The following CALN1 variants were observed in gnomAD, a reference collection of about 807,000 sequenced individuals.
CALN1 encodes calneuron 1.
In CALN1, 17 loss-of-function variants were observed where a neutral mutation model predicts 30.6. The ratio of observed to expected loss-of-function variants is 0.56; its 90% confidence interval spans 0.38 to 0.83. CALN1 has a LOEUF of 0.83. CALN1 is among the 40% of genes least tolerant of loss of function. The pLI is 0.00. For missense variants in CALN1, 291 were observed against 354.9 expected, an observed-to-expected ratio of 0.82 and a Z score of 1.45; for synonymous variants, 156 against 131.4, an observed-to-expected ratio of 1.19 and a Z score of -1.28.
At chr7:72,248,140 G>A (rs1169114026) in intron 3 of CALN1, among the ~76,000 whole-genome samples, 1 of 152,084 alleles carries the variant, frequency 6.6e-6, no homozygotes, top group East Asian at 1.9e-4. Context: ...TTTAGATGGA[G>A]TTTTGCTTTT....
intron 4 of CALN1, among the ~76,000 whole-genome samples, chr7:72,054,947 G>C (rs1298494059): frequency 1.3e-5 from 2 of 152,112 alleles, no homozygotes; most frequent in Non-Finnish European, 2.9e-5. Flanking sequence ...GCTAGAGACT[G>C]GGAGGTAAAA....
In CALN1 at chr7:72,160,237, G is replaced by A. The variant is rs554560741; in HGVS notation, c.245-53943C>T. Among the ~76,000 whole-genome samples, 30 of 151,890 alleles carry A rather than the reference G, an allele frequency of 2.0e-4. No individual in the cohort carries two copies. The East Asian group carries it at 2.7e-3, about 14-fold the overall frequency. On this transcript the variant is annotated intron_variant, in intron 3 of 6. Coordinates refer to ENST00000395275, the MANE Select transcript of CALN1 (RefSeq NM_031468.4). The stretch of plus-strand genomic sequence containing the variant: ...TGGCCACAGGAAGGAAGAGACATCC[G>A]TCATAATCATCAGCATTAAAGAACA...
Position 72,311,640 on chromosome 7 carries a change from G to A in CALN1, c.120-32830C>T, listed in dbSNP as rs554288586. On this transcript the variant is annotated intron_variant, in intron 2 of 6. Coordinates refer to ENST00000395275, the MANE Select transcript of CALN1 (RefSeq NM_031468.4). ...GACTACAGGCACATGCCACCACAAC[G>A]CCTGGCTGAGATTTTTTTTTTTTTT... Among the ~76,000 whole-genome samples, 171 of 140,010 alleles carry A rather than the reference G, an allele frequency of 1.2e-3. 1 individual carries two copies. Among genetic ancestry groups the A allele is most frequent in the Non-Finnish European group, 1.9e-3 (126 of 65,876 alleles). 91.9% of individuals were successfully genotyped at this position (140,010 alleles called of 152,430 possible).
intron 5 of CALN1, among the ~76,000 whole-genome samples, chr7:71,811,971 G>A (rs1392709167): frequency 7.2e-5 from 11 of 152,254 alleles, no homozygotes; most frequent in Admixed American, 4.6e-4. Context: ...GAGCCACTGC[G>A]CCTGGCCAGT....
chr7:71,939,594 G>A (rs961431678), intron 5 of CALN1, among the ~76,000 whole-genome samples: 6 of 150,796 alleles, frequency 4.0e-5, no homozygotes, highest in East Asian at 1.9e-4. Context: ...AAAAGTTTAC[G>A]GATGGTAGTT....
intron 5 of CALN1, among the ~76,000 whole-genome samples, chr7:71,926,760 C>A (rs185515329): frequency 6.6e-6 from 1 of 152,024 alleles, no homozygotes. Context: ...TAAATTTTTT[C>A]TTTGGCTGTG....
intron 3 of CALN1, among the ~76,000 whole-genome samples, chr7:72,236,150 C>A (rs1266909330): frequency 6.6e-6 from 1 of 151,022 alleles, no homozygotes; most frequent in African/African-American, 2.4e-5. Context: ...CAATTTCTTA[C>A]AAGCTGAAAA....
At chr7:72,123,103 G>A (rs1402623009) in intron 3 of CALN1, among the ~76,000 whole-genome samples, 1 of 152,108 alleles carries the variant, frequency 6.6e-6, no homozygotes, top group African/African-American at 2.4e-5. Flanking sequence ...CTGTTGCAGT[G>A]ACCCCGATAG....
At chr7:72,122,515 T>C (rs946473545) in intron 3 of CALN1, among the ~76,000 whole-genome samples, 18 of 152,232 alleles carry the variant, frequency 1.2e-4, no homozygotes, top group Non-Finnish European at 1.2e-4. Flanking sequence ...GGTGTGAGGA[T>C]GACTTGAGGC....
chr7:72,110,583 G>A (rs911257475), intron 3 of CALN1, among the ~76,000 whole-genome samples: 7 of 151,694 alleles, frequency 4.6e-5, no homozygotes, highest in Non-Finnish European at 1.0e-4. Context: ...TGGCTCCCAC[G>A]TAGAGAATTC....
At chr7:72,230,342 T>TAAAAAAAAAAAAAAAA (rs3032182) in intron 3 of CALN1, among the ~76,000 whole-genome samples, 1 of 124,856 alleles carries the variant, frequency 8.0e-6, no homozygotes, top group African/African-American at 3.0e-5. Flanking sequence ...CAATAGATAC[T>TAAAAAAAAAAAAAAAA]AAAAAAAAAA....
At chr7:72,344,955 T>G (rs1444039220) in intron 2 of CALN1, among the ~76,000 whole-genome samples, 3 of 147,654 alleles carry the variant, frequency 2.0e-5, no homozygotes, top group African/African-American at 7.4e-5. Flanking sequence ...TTGTTTTATG[T>G]GGTATTTATA....
chr7:72,073,915 G>C (rs1804565197), intron 4 of CALN1, among the ~76,000 whole-genome samples: 1 of 152,072 alleles, frequency 6.6e-6, no homozygotes, highest in African/African-American at 2.4e-5. Flanking sequence ...GGTCAGTCTT[G>C]AATTCCCCAG....
intron 5 of CALN1, among the ~76,000 whole-genome samples, chr7:71,980,534 C>T (rs966915947): frequency 6.6e-6 from 1 of 152,098 alleles, no homozygotes; most frequent in African/African-American, 2.4e-5. Flanking sequence ...GCATAGTGTT[C>T]CTCATAGGGA....
chr7:72,386,589 A>G (rs1480103954), intron 2 of CALN1, among the ~76,000 whole-genome samples: 1 of 152,164 alleles, frequency 6.6e-6, no homozygotes, highest in Non-Finnish European at 1.5e-5. Context: ...TTCTAGGATG[A>G]CCATATAATA....
chr7:71,826,821 G>A (rs1466929620), intron 5 of CALN1, among the ~76,000 whole-genome samples: 1 of 152,154 alleles, frequency 6.6e-6, no homozygotes, highest in Non-Finnish European at 1.5e-5. Context: ...GACTACAGGT[G>A]CATGCCACCA....
chr7:72,149,292 AC>A (rs1787030098), intron 3 of CALN1, among the ~76,000 whole-genome samples: 1 of 151,822 alleles, frequency 6.6e-6, no homozygotes, highest in Admixed American at 6.6e-5. Context: ...ACGTGGTAAA[AC>A]CCCGTCTCTA....
At chr7:72,361,578 TA>T (rs1266584254) in intron 2 of CALN1, among the ~76,000 whole-genome samples, 8 of 152,192 alleles carry the variant, frequency 5.3e-5, no homozygotes, top group African/African-American at 1.9e-4. Flanking sequence ...AAATGTTTTA[TA>T]AAAGTTTACC....
At chr7:72,406,158 T>C (rs1489378258) in intron 1 of CALN1, among the ~76,000 whole-genome samples, 1 of 152,038 alleles carries the variant, frequency 6.6e-6, no homozygotes, top group African/African-American at 2.4e-5. Context: ...CCAGAAGCCG[T>C]CTCTCCAGAA....
Sources: allele counts gnomAD v4.1 joint callset (sites outside exome capture counted in the v4.1 genomes callset), GRCh38; gene constraint gnomAD v4.1.1; transcripts MANE v1.5; gene names NCBI Gene and HGNC (gene_info 2026-07-23, HGNC 2026-07-21).